The following WDR70 variants were observed in gnomAD, a reference collection of about 807,000 sequenced individuals.
WDR70 encodes WD repeat domain 70.
A neutral mutation model predicts 88.6 loss-of-function variants in WDR70; 53 were observed. That is an observed-to-expected ratio of 0.60 (90% confidence interval 0.48 to 0.75). The LOEUF (loss-of-function observed/expected upper bound fraction) is 0.75, where lower values mean the gene tolerates loss of function less well. WDR70 is among the 30% of genes least tolerant of loss of function. WDR70 has a pLI of 0.00. For missense variants in WDR70, 610 were observed against 823.2 expected (o/e 0.74, Z 3.17); for synonymous variants, 280 against 270.0 (o/e 1.04, Z -0.36).
At chr5:37,545,505 TTTTA>T (rs1169115670) in intron 9 of WDR70, among the ~76,000 whole-genome samples, 7 of 151,954 alleles carry the variant, frequency 4.6e-5, no homozygotes, top group Non-Finnish European at 1.5e-5. Context: ...TGCTTTTTAT[TTTTA>T]TTTATTTAAT....
At chr5:37,465,938 G>A (rs1251043436) in intron 7 of WDR70, among the ~76,000 whole-genome samples, 26 of 151,786 alleles carry the variant, frequency 1.7e-4, no homozygotes, top group Non-Finnish European at 2.2e-4. Context: ...TATTTAATGT[G>A]TTTAATTATT....
chr5:37,466,487 A>G (rs1270763438), intron 7 of WDR70, among the ~76,000 whole-genome samples: 1 of 152,014 alleles, frequency 6.6e-6, no homozygotes, highest in Non-Finnish European at 1.5e-5. Context: ...CGGGCAGATC[A>G]TGAGGTCAGG....
intron 11 of WDR70, among the ~76,000 whole-genome samples, chr5:37,699,492 G>C (rs1406534831): frequency 6.6e-6 from 1 of 151,524 alleles, no homozygotes; most frequent in East Asian, 1.9e-4. Context: ...TTCCTTCCTG[G>C]ATGTATACAA....
intron 10 of WDR70, among the ~76,000 whole-genome samples, chr5:37,687,267 T>C (rs1017160219): frequency 7.2e-5 from 11 of 152,304 alleles, no homozygotes; most frequent in Admixed American, 3.3e-4. Context: ...AAGTTAATAA[T>C]TGAAGAGCAC....
At chr5:37,514,982 C>T (rs1235115979) in intron 8 of WDR70, among the ~76,000 whole-genome samples, 6 of 150,618 alleles carry the variant, frequency 4.0e-5, no homozygotes, top group Non-Finnish European at 7.4e-5. Context: ...TGCCACTGTA[C>T]CCCAGCCTAG....
intron 5 of WDR70, among the ~76,000 whole-genome samples, chr5:37,417,073 G>GA (rs5867349): frequency 0.97 from 147,946 of 152,308 alleles, 72,017 homozygotes; most frequent in East Asian, 1. Flanking sequence ...TCTGCTATGT[G>GA]ATGGACACTG....
At chr5:37,416,363 C>A (rs1272157473) in intron 5 of WDR70, among the ~76,000 whole-genome samples, 3 of 152,258 alleles carry the variant, frequency 2.0e-5, no homozygotes, top group African/African-American at 7.2e-5. Flanking sequence ...ATACGAAAAC[C>A]AGTCAGGCGT....
intron 10 of WDR70, among the ~76,000 whole-genome samples, chr5:37,670,963 T>C (rs191807510): frequency 1.3e-5 from 2 of 152,330 alleles, no homozygotes. Flanking sequence ...GCATTGTCCT[T>C]CCTACAGGTC....
chr5:37,546,689 C>T (rs139137425), intron 9 of WDR70, among the ~76,000 whole-genome samples: 28 of 152,218 alleles, frequency 1.8e-4, no homozygotes, highest in East Asian at 9.7e-4. Flanking sequence ...GAGGCTGAGG[C>T]GGGCGGAGCA....
chr5:37,486,053 A>C (rs937431373), intron 8 of WDR70, among the ~76,000 whole-genome samples: 1 of 151,868 alleles, frequency 6.6e-6, no homozygotes, highest in African/African-American at 2.4e-5. Flanking sequence ...CAACAAAAGT[A>C]GGTGTTGGTA....
chr5:37,603,203 G>A, intron 9 of WDR70, among the ~76,000 whole-genome samples: 1 of 150,402 alleles, frequency 6.6e-6, no homozygotes, highest in East Asian at 1.9e-4. Flanking sequence ...GCAGTGATAA[G>A]CAAAAGGCAA....
rs115721294 is a variant in WDR70, at chr5:37,714,178, T to A, written c.1417-6937T>A. Among the ~76,000 whole-genome samples, 527 of 152,356 alleles carry A rather than the reference T, an allele frequency of 3.5e-3. 1 individual carries two copies. The highest frequency in any genetic ancestry group is 4.7e-3 in the Non-Finnish European group (320 of 68,028). The stretch of plus-strand genomic sequence containing the variant: ...GGAAGATTCAGCTTTTCCTGTGTTT[T>A]CTTGGTTTTACATACTTAATGATTT... On this transcript the variant is annotated intron_variant, in intron 13 of 17. Transcript: ENST00000265107.
At chr5:37,489,710 G>A (rs1740005624) in intron 8 of WDR70, among the ~76,000 whole-genome samples, 2 of 152,022 alleles carry the variant, frequency 1.3e-5, no homozygotes, top group Non-Finnish European at 2.9e-5. Context: ...ATGGTAGGGT[G>A]GTGTGGTAGG....
At chr5:37,615,394 A>G (rs1156321347) in intron 10 of WDR70, among the ~76,000 whole-genome samples, 1 of 152,158 alleles carries the variant, frequency 6.6e-6, no homozygotes, top group East Asian at 1.9e-4. Flanking sequence ...CACCAGGAAT[A>G]TAGAGAAGAT....
intron 10 of WDR70, among the ~76,000 whole-genome samples, chr5:37,673,583 A>ATCCCCC (rs1554010662): frequency 1.3e-5 from 1 of 76,228 alleles, no homozygotes; most frequent in African/African-American, 5.4e-5. Flanking sequence ...GACTTTTCTT[A>ATCCCCC]CCCCCCCCCC....
intron 15 of WDR70, chr5:37,724,423 T>A (rs947125579): frequency 6.6e-6 from 1 of 152,590 alleles, no homozygotes; most frequent in African/African-American, 2.4e-5. Flanking sequence ...TTTATCCCAG[T>A]TTCAGTGGGA....
intron 10 of WDR70, among the ~76,000 whole-genome samples, chr5:37,633,785 TA>T (rs1744883639): frequency 3.6e-5 from 1 of 27,874 alleles, no homozygotes; most frequent in African/African-American, 1.6e-4. Context: ...TTAAACAAGA[TA>T]CATACAGTAA....
At chr5:37,461,326 C>T (rs1443981006) in intron 7 of WDR70, among the ~76,000 whole-genome samples, 1 of 152,030 alleles carries the variant, frequency 6.6e-6, no homozygotes, top group Non-Finnish European at 1.5e-5. Context: ...TGAAAAGATT[C>T]TTCTTGTATC....
At chr5:37,483,201 A>G (rs1056246809) in intron 8 of WDR70, among the ~76,000 whole-genome samples, 7 of 151,436 alleles carry the variant, frequency 4.6e-5, no homozygotes, top group Non-Finnish European at 8.8e-5. Context: ...ATCAGCAGAT[A>G]AACAAGTGAA....
Sources: gnomAD v4.1 joint callset for allele counts (sites outside exome capture counted in the v4.1 genomes callset) on GRCh38, gnomAD v4.1.1 for gene constraint, MANE v1.5 for transcripts, NCBI Gene and HGNC (gene_info 2026-07-23, HGNC 2026-07-21) for gene names.